ASCC3: variants seen among roughly 807,000 people sequenced by gnomAD.
The protein encoded by ASCC3 is activating signal cointegrator 1 complex subunit 3.
In ASCC3, 158 loss-of-function variants were observed where a neutral mutation model predicts 256.3. That is an observed-to-expected ratio of 0.62 (90% CI 0.54 to 0.70). The LOEUF (loss-of-function observed/expected upper bound fraction) is 0.70, where lower values mean the gene tolerates loss of function less well. ASCC3 is among the 30% of genes least tolerant of loss of function. The pLI, the probability that ASCC3 is intolerant of heterozygous loss-of-function variation, is 0.00. For missense variants in ASCC3, 2,259 were observed against 2,626.0 expected, an observed-to-expected ratio of 0.86 and a Z score of 3.05; for synonymous variants, 948 against 883.4, an observed-to-expected ratio of 1.07 and a Z score of -1.30.
intron 10 of ASCC3, among the ~76,000 whole-genome samples, chr6:100,737,344 G>A (rs893746555): frequency 6.6e-6 from 1 of 151,802 alleles, no homozygotes; most frequent in Non-Finnish European, 1.5e-5. Flanking sequence ...TACATATTAA[G>A]CCCAGCATCC....
chr6:100,690,570 T>C (rs927106640), intron 13 of ASCC3, among the ~76,000 whole-genome samples: 2 of 152,166 alleles, frequency 1.3e-5, no homozygotes, highest in South Asian at 4.1e-4. Context: ...CACTTATTAT[T>C]AGATATTCCT....
rs79803072 is a variant in ASCC3, at chr6:100,709,123, G to A, written c.2151+6339C>T. Among the ~76,000 whole-genome samples, 514 of 152,068 alleles carry A rather than the reference G, an allele frequency of 3.4e-3. 3 individuals are homozygous for A. The highest frequency in any genetic ancestry group is 0.012 in the African/African-American group (491 of 41,490). ...CCTATGTTTATAAAATCCTATGTAG[G>A]TCTCCTGTGACAACAAAATGTTTTA... On this transcript the variant is annotated intron_variant, in intron 13 of 41. Coordinates refer to ENST00000369162, the MANE Select transcript of ASCC3 (RefSeq NM_006828.4).
At chr6:100,631,026 T>G (rs575318170) in intron 26 of ASCC3, 102 bp downstream of exon 26, 1 of 832,912 alleles carries the variant, frequency 1.2e-6, no homozygotes. Context: ...TAAAAGACTA[T>G]GAAAATCACT....
intron 14 of ASCC3, among the ~76,000 whole-genome samples, chr6:100,665,053 C>T (rs559745271): frequency 1.3e-5 from 2 of 152,244 alleles, no homozygotes; most frequent in African/African-American, 4.8e-5. Context: ...ACCAATGACA[C>T]AGTAAGAAGT....
At chr6:100,816,169 A>G (rs548239623) in intron 4 of ASCC3, among the ~76,000 whole-genome samples, 2 of 152,318 alleles carry the variant, frequency 1.3e-5, no homozygotes, top group South Asian at 4.1e-4. Context: ...GGTCAACATC[A>G]CTGATCATTA....
intron 30 of ASCC3, among the ~76,000 whole-genome samples, chr6:100,622,605 C>T (rs978860696): frequency 6.6e-6 from 1 of 151,618 alleles, no homozygotes; most frequent in Non-Finnish European, 1.5e-5. Flanking sequence ...TGTTTATATA[C>T]CCCAGAACTT....
chr6:100,540,498 A>G (rs1775403653), intron 36 of ASCC3, 111 bp from the exon 37 acceptor site: 6 of 901,002 alleles, frequency 6.7e-6, no homozygotes, highest in South Asian at 3.1e-5. Context: ...CAATAACCAT[A>G]TCCCTTAGAA....
intron 3 of ASCC3, among the ~76,000 whole-genome samples, chr6:100,863,405 A>G (rs1382651475): frequency 6.6e-6 from 1 of 152,216 alleles, no homozygotes; most frequent in African/African-American, 2.4e-5. Flanking sequence ...GGGCATCTAT[A>G]ATAAGCGACT....
intron 10 of ASCC3, among the ~76,000 whole-genome samples, chr6:100,765,913 T>C (rs1424020992): frequency 6.6e-6 from 1 of 152,202 alleles, no homozygotes; most frequent in African/African-American, 2.4e-5. Flanking sequence ...TCCATTAATA[T>C]CTGGTCATCC....
intron 30 of ASCC3, among the ~76,000 whole-genome samples, chr6:100,611,868 A>T (rs1158664736): frequency 2.2e-5 from 1 of 46,312 alleles, no homozygotes; most frequent in East Asian, 1.7e-3. Context: ...TATAGAATTA[A>T]AAAAAAAAAC....
intron 13 of ASCC3, among the ~76,000 whole-genome samples, chr6:100,689,296 C>G (rs1230986384): frequency 1.3e-5 from 2 of 152,138 alleles, no homozygotes; most frequent in African/African-American, 2.4e-5. Context: ...TTACTAGGTA[C>G]AATACACGTT....
At chr6:100,805,993 C>T in intron 4 of ASCC3, 113 bp from the exon 5 acceptor site, 1 of 997,710 alleles carries the variant, frequency 1.0e-6, no homozygotes, top group East Asian at 2.7e-5. Context: ...TAGAAATACT[C>T]AAAAAATTTA....
At chr6:100,766,268 T>G (rs921602093) in intron 10 of ASCC3, among the ~76,000 whole-genome samples, 40 of 152,184 alleles carry the variant, frequency 2.6e-4, no homozygotes, top group African/African-American at 9.4e-4. Context: ...TAAACTCTGG[T>G]ATTATTTATA....
intron 13 of ASCC3, among the ~76,000 whole-genome samples, chr6:100,685,775 C>T (rs986643401): frequency 2.0e-5 from 3 of 152,208 alleles, no homozygotes; most frequent in African/African-American, 7.2e-5. Context: ...GCTGTGATTA[C>T]ATTACCACAT....
At chr6:100,737,359 G>C (rs1780227181) in intron 10 of ASCC3, among the ~76,000 whole-genome samples, 1 of 151,988 alleles carries the variant, frequency 6.6e-6, no homozygotes, top group Non-Finnish European at 1.5e-5. Context: ...GCATCCCTTA[G>C]CTATTCCTCT....
intron 10 of ASCC3, among the ~76,000 whole-genome samples, chr6:100,737,227 A>C (rs6570944): frequency 3.3e-5 from 5 of 149,600 alleles, no homozygotes; most frequent in African/African-American, 9.9e-5. Flanking sequence ...TCAGGACTCA[A>C]AGTTTTTTTT....
chr6:100,851,033 A>T (rs773210221), intron 3 of ASCC3, among the ~76,000 whole-genome samples: 10 of 152,198 alleles, frequency 6.6e-5, no homozygotes, highest in Admixed American at 2.6e-4. Context: ...GGATTTTTTT[A>T]AAAATAATAA....
At chr6:100,833,236 T>C (rs138303337) in intron 4 of ASCC3, among the ~76,000 whole-genome samples, 1 of 152,148 alleles carries the variant, frequency 6.6e-6, no homozygotes, top group Non-Finnish European at 1.5e-5. Flanking sequence ...TTCAACTATA[T>C]GACATCTGGA....
chr6:100,811,111 G>T (rs1016189156), intron 4 of ASCC3, among the ~76,000 whole-genome samples: 2 of 152,042 alleles, frequency 1.3e-5, no homozygotes. Context: ...TTCTGGAGTT[G>T]AATCAAAAAA....
Sources: gnomAD v4.1 joint callset for allele counts (sites outside exome capture counted in the v4.1 genomes callset) on GRCh38, gnomAD v4.1.1 for gene constraint, MANE v1.5 for transcripts, NCBI Gene and HGNC (gene_info 2026-07-23, HGNC 2026-07-21) for gene names.